ISY1: variants seen among roughly 807,000 people sequenced by gnomAD.
The protein encoded by ISY1 is ISY1 spliceosome associated protein, also known as pre-mRNA-splicing factor ISY1 homolog.
A neutral mutation model predicts 54.4 loss-of-function variants in ISY1; 12 were observed. The ratio of observed to expected loss-of-function variants is 0.22; its 90% CI spans 0.14 to 0.36. ISY1 has a LOEUF of 0.36. ISY1 is among the 10% of genes least tolerant of loss of function. ISY1 has a pLI of 1.00. For synonymous variants in ISY1, 96 were observed against 117.9 expected, an observed-to-expected ratio of 0.81 and a Z score of 1.20; for missense variants, 282 against 342.2, an observed-to-expected ratio of 0.82 and a Z score of 1.39.
chr3:129,149,805 A>AAAAAAAAAAAAAG (rs1553783043), intron 5 of ISY1, among the ~76,000 whole-genome samples: 2 of 60,020 alleles, frequency 3.3e-5, no homozygotes, highest in Admixed American at 2.4e-4. Context: ...AAAAAAAAAA[A>AAAAAAAAAAAAAG]AAAGAAAGAA....
intron 7 of ISY1, among the ~76,000 whole-genome samples, chr3:129,137,711 C>A (rs964537667): frequency 6.6e-6 from 1 of 151,616 alleles, no homozygotes; most frequent in African/African-American, 2.4e-5. Context: ...GAGATAGAGA[C>A]CATCCTGGCT....
At chr3:129,135,996 A>G (rs138470134) in intron 7 of ISY1, among the ~76,000 whole-genome samples, 1 of 152,196 alleles carries the variant, frequency 6.6e-6, no homozygotes, top group Non-Finnish European at 1.5e-5. Flanking sequence ...GACAGGAAAC[A>G]TAAGTAAATA....
intron 8 of ISY1, 38 bp downstream of exon 8, chr3:129,134,794 A>T: frequency 6.3e-7 from 1 of 1,576,032 alleles, no homozygotes; most frequent in South Asian, 1.1e-5. Context: ...CAGAAAACAG[A>T]TGCCATCTAT....
intron 5 of ISY1, among the ~76,000 whole-genome samples, chr3:129,150,791 ATGT>A (rs765942247): frequency 1.1e-4 from 17 of 151,446 alleles, no homozygotes; most frequent in Non-Finnish European, 2.4e-4. Context: ...CTTTAAAAAA[ATGT>A]TGTATTTCCA....
In ISY1 at chr3:129,127,881, G is replaced by A. The variant is rs1281650552; in HGVS notation, c.*2200C>T. ...TCCTTCCCAGGGAGAAGGAAGGCCT[G>A]ATGTCTGGATTCCCCATTCTCTTCT... On this transcript the variant is annotated 3_prime_UTR_variant, in exon 11 of 11. Transcript: ENST00000393295. 6.6e-6 allele frequency: 1 copy of A among 152,264 alleles called. No homozygotes were observed. Among genetic ancestry groups the A allele is most frequent in the Non-Finnish European group, 1.5e-5 (1 of 68,060 alleles). The allele number at this position is 152,264 out of a possible 1,614,324, so 9.4% of individuals were successfully genotyped here.
chr3:129,159,585 A>G (rs927473042), intron 1 of ISY1, among the ~76,000 whole-genome samples: 2 of 152,182 alleles, frequency 1.3e-5, no homozygotes, highest in Admixed American at 6.5e-5. Flanking sequence ...TTTGGGGAAA[A>G]TAAGTCTGAA....
intron 1 of ISY1, 40 bp downstream of exon 1, chr3:129,160,933 C>T (rs1159529610): frequency 9.2e-6 from 4 of 435,246 alleles, no homozygotes; most frequent in Non-Finnish European, 1.8e-5. Context: ...CCCGCCCGCC[C>T]GCCCATCCAC....
At chr3:129,138,970 T>C (rs1185220485) in intron 7 of ISY1, among the ~76,000 whole-genome samples, 1 of 151,970 alleles carries the variant, frequency 6.6e-6, no homozygotes, top group Non-Finnish European at 1.5e-5. Context: ...AGTCCTGCTC[T>C]GCTGCCCAGG....
chr3:129,160,016 A>G (rs1271593487), intron 1 of ISY1, among the ~76,000 whole-genome samples: 1 of 152,140 alleles, frequency 6.6e-6, no homozygotes, highest in Non-Finnish European at 1.5e-5. Flanking sequence ...TCTCACAGAA[A>G]CGGCTACTAC....
At chr3:129,131,682 T>A (rs959832158) in intron 9 of ISY1, among the ~76,000 whole-genome samples, 14 of 152,200 alleles carry the variant, frequency 9.2e-5, no homozygotes, top group Non-Finnish European at 2.1e-4. Context: ...GGCAAGGGCA[T>A]CATGTTAAGT....
intron 6 of ISY1, 127 bp from the exon 7 acceptor site, chr3:129,140,612 G>A (rs1041350454): frequency 2.8e-5 from 29 of 1,051,426 alleles, no homozygotes; most frequent in Middle Eastern, 2.5e-4. Context: ...GTCTCGCTCT[G>A]TTGCCCAGGC....
chr3:129,132,283 T>G (rs1233422945), intron 9 of ISY1, among the ~76,000 whole-genome samples: 1 of 152,132 alleles, frequency 6.6e-6, no homozygotes, highest in Non-Finnish European at 1.5e-5. Flanking sequence ...GGGAACTGGG[T>G]GAAGCATACA....
At chr3:129,154,720 G>GAGA (rs1937083867) in intron 5 of ISY1, among the ~76,000 whole-genome samples, 1 of 134,468 alleles carries the variant, frequency 7.4e-6, no homozygotes, top group Admixed American at 8.4e-5. Context: ...ACAGAGTCTC[G>GAGA]CTCTGTCTCC....
chr3:129,149,636 T>C (rs56392944), intron 5 of ISY1, among the ~76,000 whole-genome samples: 10,492 of 53,516 alleles, frequency 0.2, 2,168 homozygotes, highest in East Asian at 0.41. Context: ...TATATATATA[T>C]ACACAAAAAA....
rs746096796 is a variant in ISY1, at chr3:129,156,940, A to G, written c.79-20T>C. On this transcript the variant is annotated intron_variant, in intron 3 of 10. Coordinates refer to ENST00000393295, the MANE Select transcript of ISY1 (RefSeq NM_020701.4). Reference sequence around the variant, plus strand: ...TCGTTCCTAAGGAGAAAAAAATAACACATTTCCATTATACTATTTACAAGT... The same window carrying G: ...TCGTTCCTAAGGAGAAAAAAATAACGCATTTCCATTATACTATTTACAAGT... 4.5e-5 allele frequency: 73 copies of G among 1,613,006 alleles called. No individual in the cohort carries two copies. The highest frequency in any genetic ancestry group is 1.6e-4 in the Middle Eastern group (1 of 6,076).
At chr3:129,147,673 TTA>T (rs2107612424) in intron 5 of ISY1, among the ~76,000 whole-genome samples, 2 of 152,270 alleles carry the variant, frequency 1.3e-5, no homozygotes, top group East Asian at 3.9e-4. Flanking sequence ...TGGTACACAA[TTA>T]TGTGAGTTTT....
intron 8 of ISY1, among the ~76,000 whole-genome samples, 157 bp downstream of exon 8, chr3:129,134,675 A>G (rs1433133909): frequency 1.3e-5 from 2 of 152,158 alleles, no homozygotes; most frequent in Admixed American, 6.5e-5. Flanking sequence ...TGACTGCCTC[A>G]CAGGGGTCAG....
Position 129,156,871 on chromosome 3 carries a change from T to C in ISY1, c.128A>G (p.Glu43Gly). ...ASECTELPKA[E>G]KWRRQIIGEI... ...AGAACATACCTGTCGTCTCCACTTC[T>C]CAGCTTTAGGCAGTTCAGTACATTC... The change falls in exon 4 of 11, where the codon GAG becomes GGG. Residue 43 changes from glutamate (E) to glycine (G), a missense_variant. This residue lies in a region of ISY1 where 279 missense variants were observed against 323.6 expected (regional missense o/e 0.86). Coordinates refer to ENST00000393295, the MANE Select transcript of ISY1 (RefSeq NM_020701.4). The C allele has an allele frequency of 1.9e-6, 3 of 1,613,940 alleles. No homozygotes were observed. Among genetic ancestry groups the C allele is most frequent in the Non-Finnish European group, 2.5e-6 (3 of 1,179,942 alleles).
intron 7 of ISY1, among the ~76,000 whole-genome samples, chr3:129,139,267 C>A (rs1044934768): frequency 6.6e-6 from 1 of 152,086 alleles, no homozygotes; most frequent in Non-Finnish European, 1.5e-5. Flanking sequence ...TATATTCCTT[C>A]ATAATTAATG....
Sources: gnomAD v4.1 joint callset for allele counts (sites outside exome capture counted in the v4.1 genomes callset) on GRCh38, gnomAD v4.1.1 for gene constraint, gnomAD v4.1.1 regional missense constraint, MANE v1.5 for transcripts, NCBI Gene and HGNC (gene_info 2026-07-23, HGNC 2026-07-21) for gene names.